OPCML: variants seen among roughly 807,000 people sequenced by gnomAD.
The protein encoded by OPCML is opioid-binding protein/cell adhesion molecule.
OPCML carries 13 observed loss-of-function variants against 37.8 expected under a neutral mutation model. The ratio of observed to expected loss-of-function variants is 0.34; its 90% CI spans 0.22 to 0.55. The LOEUF (loss-of-function observed/expected upper bound fraction) is 0.55, where lower values mean the gene tolerates loss of function less well. Among genes scored for constraint, OPCML ranks in the 20% least tolerant of loss-of-function variants. The pLI is 0.91. For missense variants in OPCML, 341 were observed against 435.6 expected, an observed-to-expected ratio of 0.78 and a Z score of 1.93; for synonymous variants, 176 against 168.8, an observed-to-expected ratio of 1.04 and a Z score of -0.33.
chr11:133,167,331 T>C (rs1264891981), intron 1 of OPCML, among the ~76,000 whole-genome samples: 2 of 152,150 alleles, frequency 1.3e-5, no homozygotes, highest in Non-Finnish European at 2.9e-5. Flanking sequence ...ACAAAATAAA[T>C]ACCATATGTG....
intron 1 of OPCML, among the ~76,000 whole-genome samples, chr11:133,236,752 C>T (rs1256145050): frequency 6.6e-6 from 1 of 152,218 alleles, no homozygotes; most frequent in East Asian, 1.9e-4. Flanking sequence ...TTACCTTTCT[C>T]AGCATTCTAC....
intron 1 of OPCML, among the ~76,000 whole-genome samples, chr11:133,246,337 C>T (rs540512234): frequency 6.6e-6 from 1 of 152,154 alleles, no homozygotes; most frequent in Admixed American, 6.5e-5. Flanking sequence ...TAGAGAACAT[C>T]ATGATAACCA....
At chr11:133,047,367 C>G (rs903264830) in intron 1 of OPCML, among the ~76,000 whole-genome samples, 1 of 152,144 alleles carries the variant, frequency 6.6e-6, no homozygotes, top group African/African-American at 2.4e-5. Context: ...GGTGTAGCCG[C>G]GATTGCATTA....
At chr11:133,257,058 TTTAA>T (rs1454038554) in intron 1 of OPCML, among the ~76,000 whole-genome samples, 2 of 152,222 alleles carry the variant, frequency 1.3e-5, no homozygotes, top group Non-Finnish European at 1.5e-5. Flanking sequence ...TTACCAACAA[TTTAA>T]TTGTCTTGCA....
chr11:132,920,011 C>T (rs12805206), intron 2 of OPCML, among the ~76,000 whole-genome samples: 23,034 of 151,998 alleles, frequency 0.15, 2,226 homozygotes, highest in Non-Finnish European at 0.22. Context: ...GGGGAGTAGC[C>T]GCTAATGGGT....
At chr11:132,695,594 A>C (rs565948988) in intron 2 of OPCML, among the ~76,000 whole-genome samples, 1 of 152,338 alleles carries the variant, frequency 6.6e-6, no homozygotes, top group South Asian at 2.1e-4. Flanking sequence ...ATAGAAAAAC[A>C]AGCTTAGTAG....
rs948796404 is a variant in OPCML, at chr11:133,382,256, G to A, written c.61+150008C>T. On this transcript the variant is annotated intron_variant, in intron 1 of 7. Transcript: ENST00000524381. ...ATTAATGGCCAGCTGTGTGGATGCC[G>A]TGCATTTAATAGCTTCTGAATCAGT... is the stretch of plus-strand genomic sequence containing the variant. Among the ~76,000 whole-genome samples the A allele has an allele frequency of 6.6e-5, 10 of 152,276 alleles. No homozygotes were observed. In the East Asian group the frequency reaches 9.7e-4, roughly 15 times the overall value.
intron 4 of OPCML, among the ~76,000 whole-genome samples, chr11:132,438,948 C>T (rs1355668189): frequency 2.0e-5 from 3 of 152,090 alleles, no homozygotes; most frequent in Non-Finnish European, 4.4e-5. Context: ...CCAGGTCATG[C>T]CCACCCAGGG....
At chr11:133,207,193 G>A (rs956364394) in intron 1 of OPCML, among the ~76,000 whole-genome samples, 42 of 151,690 alleles carry the variant, frequency 2.8e-4, no homozygotes, top group Non-Finnish European at 4.0e-4. Flanking sequence ...CCAGCTACTC[G>A]GGAGGCTGAG....
At chr11:132,736,308 C>T (rs144795253) in intron 2 of OPCML, among the ~76,000 whole-genome samples, 1 of 152,160 alleles carries the variant, frequency 6.6e-6, no homozygotes, top group African/African-American at 2.4e-5. Flanking sequence ...ATCATCCTCA[C>T]CTAGAACTGA....
chr11:133,359,338 C>G (rs893453966), intron 1 of OPCML, among the ~76,000 whole-genome samples: 1 of 152,108 alleles, frequency 6.6e-6, no homozygotes, highest in African/African-American at 2.4e-5. Context: ...CCTTTCCATT[C>G]TTTTTTGTAA....
At position 133,163,732 on chromosome 11, in the gene OPCML, T is replaced by C. The variant is rs536480635; in HGVS notation, c.62-220722A>G. On this transcript the variant is annotated intron_variant, in intron 1 of 7. Transcript: ENST00000524381. ...TGCTCTCCCACCCACTTTTTAACTTTAGCAGTGCAAAGAGGTGTTCCTGTC... is the reference window on the plus strand; with the variant it reads ...TGCTCTCCCACCCACTTTTTAACTTCAGCAGTGCAAAGAGGTGTTCCTGTC... Among the ~76,000 whole-genome samples, 52 of 152,350 alleles carry C rather than the reference T, an allele frequency of 3.4e-4. 3 individuals carry two copies. In the South Asian group the frequency reaches 0.01, roughly 30 times the overall value.
intron 1 of OPCML, among the ~76,000 whole-genome samples, chr11:133,475,527 A>C (rs1947221999): frequency 6.6e-6 from 1 of 152,208 alleles, no homozygotes; most frequent in Non-Finnish European, 1.5e-5. Flanking sequence ...GTCCCATTGC[A>C]GTAACACAAA....
At chr11:132,439,728 T>C (rs569853438) in intron 4 of OPCML, among the ~76,000 whole-genome samples, 1 of 148,864 alleles carries the variant, frequency 6.7e-6, no homozygotes, top group South Asian at 2.1e-4. Context: ...AAGAAATAAA[T>C]GTGGTAGAAT....
intron 3 of OPCML, among the ~76,000 whole-genome samples, chr11:132,626,481 T>C (rs1156938882): frequency 4.6e-5 from 7 of 152,128 alleles, no homozygotes; most frequent in Non-Finnish European, 1.0e-4. Flanking sequence ...AAGATTAATA[T>C]GACTAGATTT....
intron 3 of OPCML, among the ~76,000 whole-genome samples, chr11:132,538,657 A>T (rs566288221): frequency 1.3e-5 from 2 of 152,214 alleles, no homozygotes; most frequent in Non-Finnish European, 2.9e-5. Context: ...ACCCCAACAC[A>T]TGTGACTTCT....
rs577050679 is a variant in OPCML, at chr11:132,845,192, A to G, written c.146+97734T>C. On this transcript the variant is annotated intron_variant, in intron 2 of 7. Coordinates refer to ENST00000524381, the MANE Select transcript of OPCML (RefSeq NM_001012393.5). The stretch of plus-strand genomic sequence containing the variant: ...TTCCTGGTGGCTTTCTTTAGTCATC[A>G]GTGCCTCATACCCAGGGTAAATTTA... Among the ~76,000 whole-genome samples, 139 of 151,986 alleles carry G rather than the reference A, an allele frequency of 9.1e-4. 1 individual carries two copies. Among genetic ancestry groups the G allele is most frequent in the African/African-American group, 3.2e-3 (133 of 41,420 alleles).
intron 1 of OPCML, among the ~76,000 whole-genome samples, chr11:133,086,370 A>T (rs530016537): frequency 2.0e-5 from 3 of 151,946 alleles, no homozygotes. Flanking sequence ...TATGTCTTCA[A>T]TTTTTTTCTC....
chr11:132,886,813 A>G (rs1943440300), intron 2 of OPCML, among the ~76,000 whole-genome samples: 1 of 152,176 alleles, frequency 6.6e-6, no homozygotes, highest in African/African-American at 2.4e-5. Flanking sequence ...CTGTTTTAAA[A>G]GCCAGTGCCC....
Sources: allele counts gnomAD v4.1 joint callset (sites outside exome capture counted in the v4.1 genomes callset), GRCh38; gene constraint gnomAD v4.1.1; transcripts MANE v1.5; gene names NCBI Gene and HGNC (gene_info 2026-07-23, HGNC 2026-07-21).